The following TENM4 variants were observed in gnomAD, a reference collection of about 807,000 sequenced individuals.
The protein encoded by TENM4 is teneurin transmembrane protein 4, also known as teneurin-4.
Under a neutral mutation model 243.3 loss-of-function variants are expected in TENM4, and 82 were observed. The observed-to-expected ratio is 0.34, with a 90% CI of 0.28 to 0.40. The LOEUF (loss-of-function observed/expected upper bound fraction) is 0.40. TENM4 is among the 10% of genes least tolerant of loss of function. The probability of loss-of-function intolerance (pLI) is 1.00; values close to 1 mark genes in which losing one functional copy is unlikely to be tolerated. For synonymous variants in TENM4, 1,412 were observed against 1,456.3 expected (o/e 0.97, Z 0.69); for missense variants, 3,138 against 3,673.3 (o/e 0.85, Z 3.77).
At chr11:78,864,321 C>G (rs1858904511) in intron 9 of TENM4, among the ~76,000 whole-genome samples, 1 of 147,908 alleles carries the variant, frequency 6.8e-6, no homozygotes, top group Non-Finnish European at 1.5e-5. Flanking sequence ...GTAGTCCCAG[C>G]TACTTGGGAG....
intron 3 of TENM4, among the ~76,000 whole-genome samples, chr11:79,185,674 C>A (rs1863368854): frequency 6.6e-6 from 1 of 152,162 alleles, no homozygotes. Flanking sequence ...AAAATCATTG[C>A]CCAAGTTTGG....
At chr11:79,031,405 A>G (rs1461766544) in intron 6 of TENM4, among the ~76,000 whole-genome samples, 1 of 152,092 alleles carries the variant, frequency 6.6e-6, no homozygotes, top group Non-Finnish European at 1.5e-5. Flanking sequence ...TGAACCTGGG[A>G]ATTTAAAGCC....
intron 1 of TENM4, among the ~76,000 whole-genome samples, chr11:79,337,687 T>G (rs965878615): frequency 2.6e-5 from 4 of 152,176 alleles, no homozygotes; most frequent in African/African-American, 9.7e-5. Context: ...ACTCCCTGGT[T>G]TCTAGCAACT....
At chr11:79,064,651 C>G in intron 6 of TENM4, 87 bp downstream of exon 6, 1 of 1,503,178 alleles carries the variant, frequency 6.7e-7, no homozygotes, top group Admixed American at 2.0e-5. Context: ...CACCAGAGCC[C>G]CGGCAGTGGA....
At chr11:79,194,899 C>A (rs1334411531) in intron 3 of TENM4, among the ~76,000 whole-genome samples, 1 of 152,146 alleles carries the variant, frequency 6.6e-6, no homozygotes, top group Non-Finnish European at 1.5e-5. Flanking sequence ...ACCTTCACAG[C>A]AGCCCCTCCC....
intron 6 of TENM4, among the ~76,000 whole-genome samples, chr11:79,058,915 G>A (rs1438079595): frequency 6.6e-6 from 1 of 152,178 alleles, no homozygotes; most frequent in African/African-American, 2.4e-5. Context: ...GAGTTGGGTT[G>A]CTGCAGTATT....
chr11:78,973,213 T>C (rs1376602217), intron 6 of TENM4, among the ~76,000 whole-genome samples: 1 of 152,244 alleles, frequency 6.6e-6, no homozygotes, highest in African/African-American at 2.4e-5. Flanking sequence ...AGGAGTGGAA[T>C]TGCTGAATTG....
intron 3 of TENM4, among the ~76,000 whole-genome samples, chr11:79,183,209 T>C (rs1565239350): frequency 6.6e-6 from 1 of 152,038 alleles, no homozygotes. Context: ...ATCCAGACAA[T>C]GGAATATTAT....
intron 6 of TENM4, among the ~76,000 whole-genome samples, chr11:79,037,107 G>T (rs7481948): frequency 0.69 from 104,103 of 151,462 alleles, 37,425 homozygotes; most frequent in Non-Finnish European, 0.82. Context: ...TGAGGATGAG[G>T]GCAGGTAGGA....
At chr11:78,861,787 C>G (rs901116440) in intron 10 of TENM4, among the ~76,000 whole-genome samples, 5 of 152,192 alleles carry the variant, frequency 3.3e-5, no homozygotes, top group Non-Finnish European at 7.3e-5. Flanking sequence ...CAAAAGTCAA[C>G]TGAGAGAAAA....
chr11:78,767,194 C>T (rs1281860582), intron 18 of TENM4, among the ~76,000 whole-genome samples: 1 of 152,196 alleles, frequency 6.6e-6, no homozygotes, highest in African/African-American at 2.4e-5. Flanking sequence ...CAAGACCTCA[C>T]ATACTCTGGC....
At chr11:79,235,568 G>C (rs1050560565) in intron 2 of TENM4, among the ~76,000 whole-genome samples, 3 of 152,110 alleles carry the variant, frequency 2.0e-5, no homozygotes, top group Admixed American at 6.5e-5. Flanking sequence ...TGATCAAATG[G>C]AACTCAAGAC....
At chr11:79,097,084 G>C (rs529021178) in intron 4 of TENM4, 1 of 152,056 alleles carries the variant, frequency 6.6e-6, no homozygotes, top group Non-Finnish European at 1.5e-5. Flanking sequence ...CTCACAACAA[G>C]CATTGAGACA....
intron 6 of TENM4, among the ~76,000 whole-genome samples, chr11:78,977,885 C>A (rs1368141155): frequency 6.6e-6 from 1 of 152,204 alleles, no homozygotes; most frequent in Non-Finnish European, 1.5e-5. Flanking sequence ...AATCATTCTA[C>A]TATAAAGACA....
intron 27 of TENM4, among the ~76,000 whole-genome samples, chr11:78,704,175 A>G (rs1263858444): frequency 2.1e-5 from 3 of 141,302 alleles, no homozygotes; most frequent in African/African-American, 7.8e-5. Context: ...ATATATATAT[A>G]TATATATATA....
intron 16 of TENM4, among the ~76,000 whole-genome samples, chr11:78,784,336 G>A (rs552951902): frequency 7.9e-5 from 12 of 152,244 alleles, no homozygotes; most frequent in Admixed American, 7.2e-4. Flanking sequence ...AAAAGGATGG[G>A]ACCATTGTTT....
chr11:79,400,005 C>A (rs375033662), intron 1 of TENM4, among the ~76,000 whole-genome samples: 3 of 151,936 alleles, frequency 2.0e-5, no homozygotes, highest in South Asian at 4.2e-4. Context: ...CCCTGACAAA[C>A]CAGAGAGCTA....
chr11:79,424,352 G>A (rs1859002832), intron 1 of TENM4, among the ~76,000 whole-genome samples: 2 of 152,198 alleles, frequency 1.3e-5, no homozygotes, highest in Non-Finnish European at 2.9e-5. Context: ...TACAATGCCA[G>A]CACTTTGGGA....
chr11:79,156,591 G>T (rs1343875762), intron 3 of TENM4, among the ~76,000 whole-genome samples: 1 of 152,084 alleles, frequency 6.6e-6, no homozygotes, highest in Admixed American at 6.6e-5. Context: ...CCTCCTGAAA[G>T]CCTTCCTCAC....
Sources: allele counts gnomAD v4.1 joint callset (sites outside exome capture counted in the v4.1 genomes callset), GRCh38; gene constraint gnomAD v4.1.1; transcripts MANE v1.5; gene names NCBI Gene and HGNC (gene_info 2026-07-23, HGNC 2026-07-21).